SLC43A2: variants seen among roughly 807,000 people sequenced by gnomAD.
The protein encoded by SLC43A2 is solute carrier family 43 member 2.
Under a neutral mutation model 63.2 loss-of-function variants are expected in SLC43A2, and 38 were observed. The observed-to-expected ratio is 0.60, with a 90% CI of 0.46 to 0.79. The LOEUF (loss-of-function observed/expected upper bound fraction) is 0.79. SLC43A2 is among the 30% of genes least tolerant of loss of function. SLC43A2 has a pLI of 0.00. For missense variants in SLC43A2, 644 were observed against 756.2 expected, an observed-to-expected ratio of 0.85 and a Z score of 1.74; for synonymous variants, 322 against 331.0, an observed-to-expected ratio of 0.97 and a Z score of 0.30.
At chr17:1,576,560 A>T (rs1189620940) in intron 13 of SLC43A2, 37 bp downstream of exon 13, 1 of 1,572,054 alleles carries the variant, frequency 6.4e-7, no homozygotes, top group Admixed American at 1.9e-5. Flanking sequence ...AGAAGGGGGC[A>T]GGCGCCCATG....
chr17:1,613,074 T>A, intron 5 of SLC43A2, 121 bp downstream of exon 5: 1 of 875,546 alleles, frequency 1.1e-6, no homozygotes, highest in Non-Finnish European at 1.8e-6. Flanking sequence ...GCCCCTCTAC[T>A]GTTTGGGACA....
chr17:1,612,682 G>A (rs905264579), intron 5 of SLC43A2, among the ~76,000 whole-genome samples: 1 of 152,214 alleles, frequency 6.6e-6, no homozygotes, highest in Non-Finnish European at 1.5e-5. Context: ...CAGAAGGCAG[G>A]GAATGTCGGC....
At chr17:1,627,985 C>A in intron 1 of SLC43A2, 65 bp from the exon 2 acceptor site, 1 of 1,264,504 alleles carries the variant, frequency 7.9e-7, no homozygotes, top group South Asian at 2.9e-5. Flanking sequence ...CCCCAGCAGC[C>A]CCGACCGCTG....
rs112277856 is a variant in SLC43A2, at chr17:1,593,255, G to A, written c.526C>T (p.Arg176Trp). 3 of 1,613,940 alleles carry A rather than the reference G, an allele frequency of 1.9e-6. No homozygotes were observed. The highest frequency in any genetic ancestry group is 2.2e-5 in the East Asian group (1 of 44,892). ...LTLPNMFGDL[R>W]STFIALMIGS... ...ATCATCAAGGCAATAAACGTGGACCGAAGGTCGCCGAACATGTTGGGCAGC... is the reference window on the plus strand; with the variant it reads ...ATCATCAAGGCAATAAACGTGGACCAAAGGTCGCCGAACATGTTGGGCAGC... Residue 176 changes from arginine (R) to tryptophan (W), a missense_variant, in exon 6 of 14, where the codon CGG becomes TGG. Arg to Trp is a moderately radical substitution (Grantham distance 101, BLOSUM62 -3). Transcript: ENST00000301335. This position sits in a 1 kb window ranked among gnomAD's most constrained non-coding sequence, Gnocchi z 5.3.
In SLC43A2 at chr17:1,615,091, T is replaced by C. The variant is rs377292923; in HGVS notation, c.369-57A>G. 4.3e-5 allele frequency: 69 copies of C among 1,599,084 alleles called. 1 individual carries two copies. In the African/African-American group the frequency reaches 5.2e-4, roughly 12 times the overall value. On this transcript the variant is annotated intron_variant, in intron 3 of 13. Transcript: ENST00000301335. ...CCATTATGACTTTATTCAGTGTTAT[T>C]GTTTTGTTTTTGTTTTTGGTTTTTG...
chr17:1,616,483 C>T, intron 3 of SLC43A2, 79 bp downstream of exon 3: 2 of 1,399,896 alleles, frequency 1.4e-6, no homozygotes, highest in Non-Finnish European at 2.0e-6. Context: ...TCAGGTACGA[C>T]CAGGATACCC....
intron 5 of SLC43A2, among the ~76,000 whole-genome samples, chr17:1,599,900 T>C (rs368424882): frequency 1.1e-4 from 17 of 148,900 alleles, no homozygotes; most frequent in East Asian, 4.1e-4. Context: ...AAAAATTAGC[T>C]GGGCGTGGTG....
rs368985824 is a variant in SLC43A2, at chr17:1,601,699, G to C, written c.502-8420C>G. Among the ~76,000 whole-genome samples, 78 of 149,888 alleles carry C rather than the reference G, an allele frequency of 5.2e-4. 1 individual carries two copies. The highest frequency in any genetic ancestry group is 1.8e-3 in the African/African-American group (71 of 40,412). On this transcript the variant is annotated intron_variant, in intron 5 of 13. Transcript: ENST00000301335. ...CGCTACTGAGCCAGAGTCCTGCATT[G>C]AGACTACCCCAGACATGTACTGCCC...
At chr17:1,612,011 C>A (rs1183265792) in intron 5 of SLC43A2, among the ~76,000 whole-genome samples, 3 of 152,156 alleles carry the variant, frequency 2.0e-5, no homozygotes, top group Non-Finnish European at 2.9e-5. Context: ...GTCGCCCAGG[C>A]TGGAGTGCAG....
At chr17:1,587,052 C>A in intron 9 of SLC43A2, 1 of 1,328,764 alleles carries the variant, frequency 7.5e-7, no homozygotes. Flanking sequence ...AGGAGGCAGG[C>A]TCACTCCATG....
intron 9 of SLC43A2, 118 bp downstream of exon 9, chr17:1,590,684 G>A (rs777071430): frequency 6.2e-6 from 8 of 1,298,454 alleles, no homozygotes; most frequent in Non-Finnish European, 8.4e-6. Context: ...CAGCTCCTGG[G>A]ATGCGGCCTT....
At position 1,586,090 on chromosome 17, in the gene SLC43A2, GAC is replaced by G. The variant is rs775575633; in HGVS notation, c.1079-41_1079-40del. 7 of 1,539,482 alleles carry G rather than the reference GAC, an allele frequency of 4.5e-6. No homozygotes were observed. In the South Asian group the frequency reaches 8.4e-5, roughly 19 times the overall value. On this transcript the variant is annotated intron_variant, in intron 9 of 13. Transcript: ENST00000301335. ...CGCTGCGTCATGGGGACGCCTGGCA[GAC>G]AGCCCTGGAGCAGGGACTGGGCACC...
rs371025283 is a variant in SLC43A2 at position 1,583,387 on chromosome 17, G to A, written c.1218-51C>T. ...GTGGGAGGGCTCCCCGGAGGAAGCC[G>A]GGTGCTCCTGAGAAGTCAGGCCTCA... On this transcript the variant is annotated intron_variant, in intron 10 of 13. Transcript: ENST00000301335. The surrounding 1 kb of genome is among the most constrained non-coding windows in gnomAD (Gnocchi z 5.5). 2.7e-5 allele frequency: 44 copies of A among 1,603,076 alleles called. No homozygotes were observed. The highest frequency in any genetic ancestry group is 6.7e-5 in the East Asian group (3 of 44,624).
In SLC43A2 at chr17:1,606,800, G is replaced by GGCACGCGATGGCCCAGGCCCTGTGCT. The variant is rs2151066292; in HGVS notation, c.501+6369_501+6394dup. On this transcript the variant is annotated intron_variant, in intron 5 of 13. Transcript: ENST00000301335. This position sits in a 1 kb window ranked among gnomAD's most constrained non-coding sequence, Gnocchi z 4.7. ...GACCTGGCGTCCGCCCTCCACGGAT[G>GGCACGCGATGGCCCAGGCCCTGTGCT]GCACGCGATGGCCCAGGCCCTGTGC... Among the ~76,000 whole-genome samples, 1 of 152,274 alleles carries GGCACGCGATGGCCCAGGCCCTGTGCT rather than the reference G, an allele frequency of 6.6e-6. No individual in the cohort carries two copies. The highest frequency in any genetic ancestry group is 1.5e-5 in the Non-Finnish European group (1 of 68,048).
At position 1,578,521 on chromosome 17, in the gene SLC43A2, GTTTGTTTTGTTT is replaced by G. The variant is rs920181650; in HGVS notation, c.1351-210_1351-199del. The G allele has an allele frequency of 9.7e-5, 53 of 547,598 alleles. No individual in the cohort carries two copies. Among genetic ancestry groups the G allele is most frequent in the Non-Finnish European group, 1.4e-4 (43 of 306,800 alleles). The allele number at this position is 547,598 out of a possible 1,614,324, so 33.9% of individuals were successfully genotyped here. ...TAACACAGTCATTTTTTGTTTGTTT[GTTTGTTTTGTTT>G]TTTGTTTTGTTTGAGAAGAAGTCTT... is the stretch of plus-strand genomic sequence containing the variant. On this transcript the variant is annotated intron_variant, in intron 11 of 13. Transcript: ENST00000301335. This position sits in a 1 kb window ranked among gnomAD's most constrained non-coding sequence, Gnocchi z 6.5.
chr17:1,575,169 C>T lies in SLC43A2; in HGVS notation c.*435G>A, dbSNP rs748905602. 1.9e-4 allele frequency: 39 copies of T among 200,370 alleles called. No individual in the cohort carries two copies. In the Middle Eastern group the frequency reaches 6.3e-3, roughly 32 times the overall value. 12.4% of individuals were successfully genotyped at this position (200,370 alleles called of 1,614,324 possible). A position where few individuals can be genotyped will look rare whatever the true frequency, so the allele number is the denominator to read the frequency against. ...GGAGGGGGTGGGGGCCAGGCGCGGG[C>T]GAGACAGTGCAAGCCTTTGTCCTCA... On this transcript the variant is annotated 3_prime_UTR_variant, in exon 14 of 14. Transcript: ENST00000301335.
At chr17:1,591,734 A>AGGGGGGGGGGGGGGGGGGGG in intron 6 of SLC43A2, 35 bp from the exon 7 acceptor site, 2 of 293,096 alleles carry the variant, frequency 6.8e-6, no homozygotes, top group Non-Finnish European at 1.4e-5. Context: ...TGGGGGGGGG[A>AGGGGGGGGGGGGGGGGGGGG]GGGGGCAGAG....
rs2075949165 is a variant in SLC43A2 at position 1,577,303 on chromosome 17, AC to A, written c.1425-584del. On this transcript the variant is annotated intron_variant, in intron 12 of 13. Coordinates refer to ENST00000301335, the MANE Select transcript of SLC43A2 (RefSeq NM_152346.3). This position sits in a 1 kb window ranked among gnomAD's most constrained non-coding sequence, Gnocchi z 4.9. The stretch of plus-strand genomic sequence containing the variant: ...AGTGGAAAGCGTGGTGCCAGCGGGG[AC>A]CTGCGGTTTGGGAAACAGGCCCAGA... Among the ~76,000 whole-genome samples, 1 of 151,900 alleles carries A rather than the reference AC, an allele frequency of 6.6e-6. No individual in the cohort carries two copies. The highest frequency in any genetic ancestry group is 1.5e-5 in the Non-Finnish European group (1 of 67,978).
In SLC43A2 at chr17:1,583,137, T is replaced by C. The variant is rs1422178007; in HGVS notation, c.1350+67A>G. On this transcript the variant is annotated intron_variant, in intron 11 of 13. Coordinates refer to ENST00000301335, the MANE Select transcript of SLC43A2 (RefSeq NM_152346.3). This position sits in a 1 kb window ranked among gnomAD's most constrained non-coding sequence, Gnocchi z 5.5. Reference sequence around the variant, plus strand: ...GGCTTCCATGAAACATTACACACTTTTGAGTCTTTACATGTTCCTTCTGAC... The same window carrying C: ...GGCTTCCATGAAACATTACACACTTCTGAGTCTTTACATGTTCCTTCTGAC... 6 of 1,529,344 alleles carry C rather than the reference T, an allele frequency of 3.9e-6. No individual in the cohort carries two copies. Among genetic ancestry groups the C allele is most frequent in the Non-Finnish European group, 4.5e-6 (5 of 1,111,024 alleles). The allele number at this position is 1,529,344 out of a possible 1,614,324, so 94.7% of individuals were successfully genotyped here. A position where few individuals can be genotyped will look rare whatever the true frequency, so the allele number is the denominator to read the frequency against.
Sources: gnomAD v4.1 joint callset for allele counts (sites outside exome capture counted in the v4.1 genomes callset) on GRCh38, gnomAD v4.1.1 for gene constraint, Gnocchi (gnomAD v3.1) non-coding constraint, MANE v1.5 for transcripts, NCBI Gene and HGNC (gene_info 2026-07-23, HGNC 2026-07-21) for gene names.